Variants in ADGRL2 observed in about 807,000 individuals in gnomAD.
ADGRL2 encodes the protein calcium-independent alpha-latrotoxin receptor 2.
A neutral mutation model predicts 157.4 loss-of-function variants in ADGRL2; 44 were observed. The ratio of observed to expected loss-of-function variants is 0.28; its 90% confidence interval spans 0.22 to 0.36. The LOEUF is 0.36. Among genes scored for constraint, ADGRL2 ranks in the 10% least tolerant of loss-of-function variants. ADGRL2 has a pLI of 1.00. For synonymous variants in ADGRL2, 585 were observed against 624.7 expected, an observed-to-expected ratio of 0.94 and a Z score of 0.95; for missense variants, 1,510 against 1,768.9, an observed-to-expected ratio of 0.85 and a Z score of 2.63.
Position 81,655,261 on chromosome 1 carries a change from A to G in ADGRL2, c.-143+74281A>G, listed in dbSNP as rs190633445. On this transcript the variant is annotated intron_variant, in intron 3 of 24. Coordinates refer to the ADGRL2 transcript ENST00000370721. ...GTGATCCGCCCGCCTCGGCCTCCCAAAGTGCTGAGATTACAGGCGTGAGCC... is the reference window on the plus strand; with the variant it reads ...GTGATCCGCCCGCCTCGGCCTCCCAGAGTGCTGAGATTACAGGCGTGAGCC... 9.2e-5 allele frequency among the ~76,000 whole-genome samples: 14 copies of G among 152,202 alleles called. No homozygotes were observed. The East Asian group carries it at 2.5e-3, about 27-fold the overall frequency.
chr1:81,783,374 C>T (rs1253268045), intron 2 of ADGRL2, among the ~76,000 whole-genome samples: 3 of 152,112 alleles, frequency 2.0e-5, no homozygotes, highest in African/African-American at 7.2e-5. Context: ...AGGTAATCCA[C>T]CCATCTCGGC....
At chr1:81,426,705 C>T in intron 1 of ADGRL2, 1 of 473,456 alleles carries the variant, frequency 2.1e-6, no homozygotes, top group Non-Finnish European at 4.1e-6. Context: ...GTGACTTACT[C>T]TTGTGTTGAA....
chr1:81,938,170 G>A (rs575079889), intron 4 of ADGRL2, among the ~76,000 whole-genome samples: 13 of 150,802 alleles, frequency 8.6e-5, no homozygotes, highest in Admixed American at 7.3e-4. Context: ...GGTGGCTTAC[G>A]TAATCATTCT....
intron 2 of ADGRL2, among the ~76,000 whole-genome samples, chr1:81,526,464 A>G (rs960490853): frequency 1.3e-5 from 2 of 152,230 alleles, no homozygotes; most frequent in African/African-American, 4.8e-5. Context: ...ATATGTATAT[A>G]TTTTTAGATA....
intron 2 of ADGRL2, among the ~76,000 whole-genome samples, chr1:81,524,700 A>G (rs1198268415): frequency 6.6e-6 from 1 of 152,224 alleles, no homozygotes; most frequent in Non-Finnish European, 1.5e-5. Flanking sequence ...AACAAGATGC[A>G]AAACAGTATG....
intron 1 of ADGRL2, among the ~76,000 whole-genome samples, chr1:81,320,687 G>T (rs1158984275): frequency 6.6e-6 from 1 of 152,166 alleles, no homozygotes; most frequent in Non-Finnish European, 1.5e-5. Context: ...TCTTCATAAT[G>T]GGCTTAAAAT....
At chr1:81,645,546 C>T (rs1186028382) in intron 3 of ADGRL2, among the ~76,000 whole-genome samples, 2 of 152,010 alleles carry the variant, frequency 1.3e-5, no homozygotes, top group Non-Finnish European at 2.9e-5. Context: ...CTGTGCCTTC[C>T]AGAATTTTTC....
rs563441097 is a variant in ADGRL2 at position 81,753,984 on chromosome 1, T to C, written c.-142-7827T>C. ...GAGAATGAGTTGTGGTCTAAGGAAT[T>C]TGGAGTGTCACTGGAGAGAAGACAA... is the stretch of plus-strand genomic sequence containing the variant. On this transcript the variant is annotated intron_variant, in intron 1 of 20. Transcript: ENST00000359929. Among the ~76,000 whole-genome samples, 42 of 152,256 alleles carry C rather than the reference T, an allele frequency of 2.8e-4. 1 individual carries two copies. The highest frequency in any genetic ancestry group is 6.5e-4 in the Admixed American group (10 of 15,288).
chr1:81,774,220 C>T (rs1285983903), intron 2 of ADGRL2, among the ~76,000 whole-genome samples: 1 of 152,142 alleles, frequency 6.6e-6, no homozygotes. Context: ...CCAATCTAAC[C>T]CTAAAATACA....
At chr1:81,512,346 CAG>C (rs2079095252) in intron 2 of ADGRL2, among the ~76,000 whole-genome samples, 1 of 152,188 alleles carries the variant, frequency 6.6e-6, no homozygotes, top group African/African-American at 2.4e-5. Flanking sequence ...AGTGCAAAAT[CAG>C]AGCTGTGTCG....
At chr1:81,677,941 A>C (rs1179750542) in intron 3 of ADGRL2, among the ~76,000 whole-genome samples, 2 of 152,154 alleles carry the variant, frequency 1.3e-5, no homozygotes, top group African/African-American at 4.8e-5. Flanking sequence ...CTATGTAACA[A>C]ATACATTATA....
intron 2 of ADGRL2, among the ~76,000 whole-genome samples, chr1:81,778,877 G>A (rs1212459254): frequency 6.6e-6 from 1 of 152,132 alleles, no homozygotes; most frequent in African/African-American, 2.4e-5. Flanking sequence ...AGCTCTACAC[G>A]TTTGTAGTTG....
chr1:81,664,240 C>A (rs2082712170), intron 3 of ADGRL2, among the ~76,000 whole-genome samples: 1 of 152,046 alleles, frequency 6.6e-6, no homozygotes, highest in Non-Finnish European at 1.5e-5. Context: ...TTTTCTGTAT[C>A]TTTACATACA....
chr1:81,833,670 T>C (rs1443930186), intron 1 of ADGRL2, among the ~76,000 whole-genome samples: 1 of 152,208 alleles, frequency 6.6e-6, no homozygotes, highest in Non-Finnish European at 1.5e-5. Context: ...GTTGTCCTTT[T>C]AAGTAATTTT....
At chr1:81,659,174 G>C (rs2082601174) in intron 3 of ADGRL2, among the ~76,000 whole-genome samples, 2 of 146,014 alleles carry the variant, frequency 1.4e-5, no homozygotes, top group Admixed American at 7.2e-5. Context: ...TGATTCTCCT[G>C]TCTCAGCTTC....
intron 3 of ADGRL2, among the ~76,000 whole-genome samples, chr1:81,908,010 G>A (rs1266328026): frequency 6.6e-6 from 1 of 152,116 alleles, no homozygotes; most frequent in African/African-American, 2.4e-5. Context: ...CCATCATCAA[G>A]TCGTAGTGTG....
At chr1:81,445,731 A>C (rs1283304265) in intron 2 of ADGRL2, among the ~76,000 whole-genome samples, 1 of 152,230 alleles carries the variant, frequency 6.6e-6, no homozygotes, top group East Asian at 1.9e-4. Flanking sequence ...CCTAGCCTTC[A>C]GAGCCCACCT....
intron 2 of ADGRL2, among the ~76,000 whole-genome samples, chr1:81,771,686 C>A (rs970881939): frequency 8.2e-5 from 10 of 122,214 alleles, no homozygotes; most frequent in African/African-American, 2.6e-4. Context: ...CCTTTTGAAT[C>A]AAAAGAAAAT....
chr1:81,374,578 G>GAAAAAAAAAAAACGAA (rs71242588), intron 1 of ADGRL2, among the ~76,000 whole-genome samples: 1 of 130,256 alleles, frequency 7.7e-6, no homozygotes, highest in Non-Finnish European at 1.6e-5. Flanking sequence ...TCTCAAAAAA[G>GAAAAAAAAAAAACGAA]AAAAAAAAAA....
Sources: allele counts gnomAD v4.1 joint callset (sites outside exome capture counted in the v4.1 genomes callset), GRCh38; gene constraint gnomAD v4.1.1; transcripts MANE v1.5; gene names NCBI Gene and HGNC (gene_info 2026-07-23, HGNC 2026-07-21).